The following ANKS1B variants were observed in gnomAD, a reference collection of about 807,000 sequenced individuals.
ANKS1B encodes the protein ankyrin repeat and sterile alpha motif domain-containing protein 1B.
ANKS1B carries 36 observed loss-of-function variants against 148.3 expected under a neutral mutation model. The observed-to-expected ratio is 0.24, with a 90% CI of 0.19 to 0.32. ANKS1B has a LOEUF of 0.32. ANKS1B is among the 10% of genes least tolerant of loss of function. The pLI is 1.00. For synonymous variants in ANKS1B, 542 were observed against 560.8 expected, an observed-to-expected ratio of 0.97 and a Z score of 0.47; for missense variants, 1,157 against 1,542.6, an observed-to-expected ratio of 0.75 and a Z score of 4.19.
At chr12:99,823,671 G>A (rs2082796307) in intron 2 of ANKS1B, among the ~76,000 whole-genome samples, 2 of 152,108 alleles carry the variant, frequency 1.3e-5, no homozygotes, top group Admixed American at 1.3e-4. Flanking sequence ...CCAGTTCTAT[G>A]TCCAGAATGG....
At chr12:99,733,366 ACAG>A (rs763409480) in intron 8 of ANKS1B, among the ~76,000 whole-genome samples, 15 of 152,216 alleles carry the variant, frequency 9.9e-5, no homozygotes, top group Non-Finnish European at 1.9e-4. Flanking sequence ...AAACTGAACT[ACAG>A]CATAAAGCAG....
intron 7 of ANKS1B, among the ~76,000 whole-genome samples, chr12:99,775,026 G>C (rs936939997): frequency 2.0e-5 from 3 of 151,844 alleles, no homozygotes; most frequent in African/African-American, 7.3e-5. Context: ...TTGATCAAAG[G>C]GTACAAAGGT....
intron 9 of ANKS1B, chr12:99,649,230 G>T: frequency 7.7e-7 from 1 of 1,294,074 alleles, no homozygotes. Context: ...TTTACCTATA[G>T]GAAGAGAAAG....
intron 10 of ANKS1B, among the ~76,000 whole-genome samples, chr12:99,498,872 A>G (rs2096629334): frequency 6.6e-6 from 1 of 152,236 alleles, no homozygotes; most frequent in Admixed American, 6.5e-5. Context: ...AAGAGAGGTC[A>G]GTAACTTCCC....
chr12:99,196,800 G>T (rs1176215498), intron 14 of ANKS1B, among the ~76,000 whole-genome samples: 1 of 151,822 alleles, frequency 6.6e-6, no homozygotes, highest in Non-Finnish European at 1.5e-5. Context: ...GTTTATTAGT[G>T]ACCCAATGAA....
chr12:99,906,158 G>C (rs1241525055), intron 1 of ANKS1B, among the ~76,000 whole-genome samples: 2 of 152,194 alleles, frequency 1.3e-5, no homozygotes, highest in South Asian at 2.1e-4. Context: ...CCAGGCATCT[G>C]TATGTTTGCA....
intron 8 of ANKS1B, among the ~76,000 whole-genome samples, chr12:99,741,206 AACAC>A (rs774613671): frequency 0.23 from 31,472 of 135,230 alleles, 3,817 homozygotes; most frequent in Non-Finnish European, 0.29. Context: ...GGCTCCGTCA[AACAC>A]ACACACACAC....
chr12:98,822,461 G>T (rs1306130217), intron 19 of ANKS1B, among the ~76,000 whole-genome samples: 2 of 152,120 alleles, frequency 1.3e-5, no homozygotes, highest in Non-Finnish European at 2.9e-5. Flanking sequence ...AAAATAACCT[G>T]CTGGGCCTCT....
At chr12:99,474,914 C>T (rs1175653738) in intron 10 of ANKS1B, among the ~76,000 whole-genome samples, 1 of 151,768 alleles carries the variant, frequency 6.6e-6, no homozygotes, top group African/African-American at 2.4e-5. Context: ...TTGTTGATTA[C>T]ATGATTATAT....
At chr12:99,160,599 C>T (rs376259849) in intron 14 of ANKS1B, among the ~76,000 whole-genome samples, 22 of 151,720 alleles carry the variant, frequency 1.5e-4, no homozygotes, top group African/African-American at 4.1e-4. Flanking sequence ...CTGCCTGCCT[C>T]GGCCTCCCAA....
intron 25 of ANKS1B, 26 bp downstream of exon 25, chr12:98,773,016 T>A (rs1435605934): frequency 1.2e-6 from 2 of 1,613,376 alleles, no homozygotes; most frequent in African/African-American, 2.7e-5. Context: ...AAGTCTTTAA[T>A]CTGTTGAAAG....
At chr12:99,444,236 C>T (rs976137525) in intron 10 of ANKS1B, among the ~76,000 whole-genome samples, 6 of 151,912 alleles carry the variant, frequency 3.9e-5, no homozygotes, top group Non-Finnish European at 8.8e-5. Context: ...CTCCCTGATG[C>T]ATAAAATCCA....
intron 12 of ANKS1B, among the ~76,000 whole-genome samples, chr12:99,356,527 G>A (rs770440698): frequency 2.4e-4 from 36 of 152,090 alleles, no homozygotes; most frequent in Non-Finnish European, 3.1e-4. Context: ...CAAGCTGAAC[G>A]TTGTACACGC....
intron 9 of ANKS1B, among the ~76,000 whole-genome samples, chr12:99,539,178 A>C (rs1356239681): frequency 6.6e-6 from 1 of 152,158 alleles, no homozygotes; most frequent in African/African-American, 2.4e-5. Flanking sequence ...ATTCACACTA[A>C]AAAACGTAAA....
At chr12:99,937,344 T>C (rs761568159) in intron 1 of ANKS1B, among the ~76,000 whole-genome samples, 12 of 152,332 alleles carry the variant, frequency 7.9e-5, no homozygotes, top group Admixed American at 2.0e-4. Context: ...AGCTTTGGTG[T>C]AAGCAAAATG....
chr12:99,546,294 A>C (rs2097172296), intron 9 of ANKS1B, among the ~76,000 whole-genome samples: 1 of 152,226 alleles, frequency 6.6e-6, no homozygotes, highest in Non-Finnish European at 1.5e-5. Flanking sequence ...AATATATATA[A>C]GGAAGGGCTA....
intron 8 of ANKS1B, among the ~76,000 whole-genome samples, chr12:99,731,413 C>CGTGT (rs71088145): frequency 0.077 from 11,020 of 143,236 alleles, 420 homozygotes; most frequent in Middle Eastern, 0.1. Context: ...ACCACCGTGC[C>CGTGT]GTGTGTGTGT....
At chr12:99,357,550 C>T (rs981296388) in intron 12 of ANKS1B, among the ~76,000 whole-genome samples, 2 of 152,082 alleles carry the variant, frequency 1.3e-5, no homozygotes, top group African/African-American at 2.4e-5. Context: ...GCACCTAGAA[C>T]GCTGCCTGAG....
At chr12:99,020,680 AT>A (rs1415538412) in intron 17 of ANKS1B, among the ~76,000 whole-genome samples, 2 of 152,042 alleles carry the variant, frequency 1.3e-5, no homozygotes, top group African/African-American at 2.4e-5. Flanking sequence ...TTAATTGGTC[AT>A]TTTTTTGGCA....
Sources: gnomAD v4.1 joint callset for allele counts (sites outside exome capture counted in the v4.1 genomes callset) on GRCh38, gnomAD v4.1.1 for gene constraint, MANE v1.5 for transcripts, NCBI Gene and HGNC (gene_info 2026-07-23, HGNC 2026-07-21) for gene names.